Variants in SLC7A4 observed in about 807,000 individuals in gnomAD.
The protein encoded by SLC7A4 is cationic amino acid transporter 4.
In SLC7A4, 30 loss-of-function variants were observed where a neutral mutation model predicts 37.8. The ratio of observed to expected loss-of-function variants is 0.79; its 90% CI spans 0.59 to 1.08. The LOEUF (loss-of-function observed/expected upper bound fraction) is 1.08, where lower values mean the gene tolerates loss of function less well. SLC7A4 is among the 50% of genes least tolerant of loss of function. SLC7A4 has a pLI of 0.00. For missense variants in SLC7A4, 839 were observed against 843.2 expected (o/e 1.00, Z 0.06); for synonymous variants, 359 against 376.5 (o/e 0.95, Z 0.54).
At position 21,028,919 on chromosome 22, in the gene SLC7A4, TA is replaced by T; in HGVS notation, c.*135del. ...AAGCCCAGCCCCTGGATGAAGGTCCTAAGGTCCTGAGGACTCCCCAGCCTGT... is the reference window on the plus strand; with the variant it reads ...AAGCCCAGCCCCTGGATGAAGGTCCTAGGTCCTGAGGACTCCCCAGCCTGT... On this transcript the variant is annotated 3_prime_UTR_variant, in exon 5 of 5. Transcript: ENST00000382932. The T allele has an allele frequency of 1.1e-6, 1 of 872,002 alleles. No homozygotes were observed. Among genetic ancestry groups the T allele is most frequent in the Non-Finnish European group, 1.7e-6 (1 of 587,404 alleles). The allele number at this position is 872,002 out of a possible 1,614,324, so 54.0% of individuals were successfully genotyped here. A position where few individuals can be genotyped will look rare whatever the true frequency, so the allele number is the denominator to read the frequency against.
rs763039767 is a variant in SLC7A4, at chr22:21,029,039, A to C, written c.*16T>G. ...CAAGCAGGTGTGGGAGGGCGGGGCAAGTGTGGGCTGATCAGCTACTCCATA... is the reference window on the plus strand; with the variant it reads ...CAAGCAGGTGTGGGAGGGCGGGGCACGTGTGGGCTGATCAGCTACTCCATA... On this transcript the variant is annotated 3_prime_UTR_variant, in exon 5 of 5. Coordinates refer to ENST00000382932, the MANE Select transcript of SLC7A4 (RefSeq NM_004173.3). 1.9e-6 allele frequency: 3 copies of C among 1,591,830 alleles called. No individual in the cohort carries two copies. Among genetic ancestry groups the C allele is most frequent in the Non-Finnish European group, 2.6e-6 (3 of 1,170,736 alleles).
In SLC7A4 at chr22:21,031,712, C is replaced by T. The variant is rs770543256; in HGVS notation, c.101G>A (p.Arg34Gln). ...LEDSTMETSL[R>Q]RCLSTLDLTL... ...CAGGTCCAGCGTGGACAGGCAGCGCCGCAGTGACGTCTCCATGGTGGAGTC... is the reference window on the plus strand; with the variant it reads ...CAGGTCCAGCGTGGACAGGCAGCGCTGCAGTGACGTCTCCATGGTGGAGTC... The change falls in exon 2 of 5, where the codon CGG becomes CAG. Residue 34 changes from arginine to glutamine, a missense_variant. Coordinates refer to ENST00000382932, the MANE Select transcript of SLC7A4 (RefSeq NM_004173.3). The T allele has an allele frequency of 1.1e-5, 17 of 1,612,566 alleles. No individual in the cohort carries two copies. Among genetic ancestry groups the T allele is most frequent in the Middle Eastern group, 1.6e-4 (1 of 6,074 alleles).
At position 21,029,728 on chromosome 22, in the gene SLC7A4, GAT is replaced by G; in HGVS notation, c.1604_1605del (p.Tyr535SerfsTer29). 6.2e-7 allele frequency: 1 copy of G among 1,612,370 alleles called. No individual in the cohort carries two copies. Among genetic ancestry groups the G allele is most frequent in the African/African-American group, 1.3e-5 (1 of 75,030 alleles). On this transcript the variant is annotated frameshift_variant, in exon 3 of 5. Transcript: ENST00000382932. LOFTEE classifies it high-confidence loss of function. Reference protein sequence around the residue: ...LLVLGAHQQQYREDLFQIPMV... With the variant: ...LLVLGAHQQQXREDLFQIPMV... ...GGAGGTACCTGAAATAAGTCTTCCC[GAT>G]ACTGTTGCTGGTGAGCCCCCAGGAC...
rs376315602 is a variant in SLC7A4, at chr22:21,030,167, C to T, written c.1167G>A (p.Ser389=). ...AFLALLLDLE[S]LVQFLSLGTL... is the part of the protein sequence containing the mutation. ...TGCCAAGGGACAGGAACTGAACCAGCGACTCCAGGTCCAGCAGCAGTGCCA... is the reference window on the plus strand; with the variant it reads ...TGCCAAGGGACAGGAACTGAACCAGTGACTCCAGGTCCAGCAGCAGTGCCA... Residue 389 remains serine (S), a synonymous_variant, in exon 3 of 5, where the codon TCG becomes TCA. Transcript: ENST00000382932. 2.8e-5 allele frequency: 45 copies of T among 1,613,764 alleles called. 1 individual carries two copies. In the East Asian group the frequency reaches 3.3e-4, roughly 12 times the overall value.
chr22:21,028,737 G>A lies in SLC7A4; in HGVS notation c.*318C>T. On this transcript the variant is annotated 3_prime_UTR_variant, in exon 5 of 5. Transcript: ENST00000382932. ...AGTGGATACGCCAGCAGGCCACATGGCTGGCCAAGCAATTATTATTATGGA... is the reference window on the plus strand; with the variant it reads ...AGTGGATACGCCAGCAGGCCACATGACTGGCCAAGCAATTATTATTATGGA... 1 of 283,790 alleles carries A rather than the reference G, an allele frequency of 3.5e-6. No homozygotes were observed. The highest frequency in any genetic ancestry group is 6.6e-6 in the Non-Finnish European group (1 of 152,224). 17.6% of individuals were successfully genotyped at this position (283,790 alleles called of 1,614,324 possible). A position where few individuals can be genotyped will look rare whatever the true frequency, so the allele number is the denominator to read the frequency against.
rs375855413 is a variant in SLC7A4, at chr22:21,031,520, C to T, written c.293G>A (p.Arg98His). 20 of 1,610,132 alleles carry T rather than the reference C, an allele frequency of 1.2e-5. No individual in the cohort carries two copies. The highest frequency in any genetic ancestry group is 1.7e-5 in the Admixed American group (1 of 59,752). ...CYAEFGARVP[R>H]TGSAYLFTYV... is the part of the protein sequence containing the mutation. ...GGTGAACAGGTAGGCAGAGCCCGTG[C>T]GTGGCACACGTGCCCCAAATTCTGC... Residue 98 changes from arginine (R) to histidine (H), a missense_variant, in exon 2 of 5, where the codon CGC becomes CAC. By Grantham distance (29) the Arg-to-His change is conservative. Coordinates refer to ENST00000382932, the MANE Select transcript of SLC7A4 (RefSeq NM_004173.3).
At chr22:21,029,572 T>A in intron 3 of SLC7A4, 128 bp from the exon 4 acceptor site, 1 of 1,139,496 alleles carries the variant, frequency 8.8e-7, no homozygotes, top group Non-Finnish European at 1.3e-6. Context: ...ATGTGCTCAC[T>A]CACCATGCAG....
Position 21,029,070 on chromosome 22 carries a change from A to C in SLC7A4, c.1893T>G (p.Pro631=). 6.2e-7 allele frequency: 1 copy of C among 1,609,702 alleles called. No individual in the cohort carries two copies. Among genetic ancestry groups the C allele is most frequent in the Non-Finnish European group, 8.5e-7 (1 of 1,179,020 alleles). ...QPPSQAPAQD[P]GHME is the part of the protein sequence containing the mutation. The stretch of plus-strand genomic sequence containing the variant: ...GGCTGATCAGCTACTCCATATGGCC[A>C]GGGTCCTGTGCTGGTGCCTGGCTGG... Residue 631 remains proline (P), a synonymous_variant, in exon 5 of 5, where the codon CCT becomes CCG. Coordinates refer to ENST00000382932, the MANE Select transcript of SLC7A4 (RefSeq NM_004173.3).
chr22:21,029,976 G>A lies in SLC7A4; in HGVS notation c.1358C>T (p.Pro453Leu), dbSNP rs1427315009. The A allele has an allele frequency of 1.9e-6, 3 of 1,613,810 alleles. No homozygotes were observed. The East Asian group carries it at 6.7e-5, about 36-fold the overall frequency. The change falls in exon 3 of 5, where the codon CCT becomes CTT. Residue 453 changes from proline to leucine, a missense_variant. Physicochemically the swap from Pro to Leu is moderately conservative, Grantham distance 98 (BLOSUM62 -3). Coordinates refer to ENST00000382932, the MANE Select transcript of SLC7A4 (RefSeq NM_004173.3). The part of the protein sequence containing the change: ...QLVGTVHASV[P>L]EPGELKPALR... ...GGCTGGCTTCAGCTCCCCTGGCTCAGGGACGGAGGCGTGTACAGTGCCCAC... is the reference window on the plus strand; with the variant it reads ...GGCTGGCTTCAGCTCCCCTGGCTCAAGGACGGAGGCGTGTACAGTGCCCAC...
rs1928873028 is a variant in SLC7A4, at chr22:21,031,225, G to A, written c.588C>T (p.His196=). ...CGARVSSWLN[H]TFSAISLLVI... ...CAAGCAGGCTGATGGCCGAGAAGGT[G>A]TGATTGAGCCAGGAGGACACGCGGG... Residue 196 remains histidine (H), a synonymous_variant, in exon 2 of 5, where the codon CAC becomes CAT. Transcript: ENST00000382932. 2 of 1,613,686 alleles carry A rather than the reference G, an allele frequency of 1.2e-6. No homozygotes were observed. Among genetic ancestry groups the A allele is most frequent in the Non-Finnish European group, 1.7e-6 (2 of 1,179,910 alleles).
At chr22:21,029,490 G>T (rs754338332) in intron 3 of SLC7A4, 46 bp from the exon 4 acceptor site, 3 of 1,440,838 alleles carry the variant, frequency 2.1e-6, no homozygotes, top group Non-Finnish European at 2.9e-6. Context: ...CTGCAGGAAA[G>T]ATCTGCCAGC....
In SLC7A4 at chr22:21,029,216, A is replaced by G; in HGVS notation, c.1747T>C (p.Phe583Leu). Reference protein sequence around the residue: ...IWLLMGLAVYFGYGIRHSKEN... With the variant: ...IWLLMGLAVYLGYGIRHSKEN... ...TTGCTATGCCGGATGCCATAGCCGA[A>G]ATACACTGCAAGTCCTAGACAGGGC... The change falls in exon 5 of 5, where the codon TTC becomes CTC. Residue 583 changes from phenylalanine to leucine, a missense_variant. Phe to Leu is a conservative substitution (Grantham distance 22). Transcript: ENST00000382932. The G allele has an allele frequency of 6.2e-7, 1 of 1,613,810 alleles. No homozygotes were observed. The highest frequency in any genetic ancestry group is 8.5e-7 in the Non-Finnish European group (1 of 1,179,984).
At position 21,031,769 on chromosome 22, in the gene SLC7A4, C is replaced by A; in HGVS notation, c.44G>T (p.Cys15Phe). 3 of 1,553,902 alleles carry A rather than the reference C, an allele frequency of 1.9e-6. No homozygotes were observed. The highest frequency in any genetic ancestry group is 2.0e-5 in the Admixed American group (1 of 50,246). The change falls in exon 2 of 5, where the codon TGC becomes TTC. Residue 15 changes from cysteine (C) to phenylalanine (F), a missense_variant. Cys to Phe is a radical substitution (Grantham distance 205). Transcript: ENST00000382932. ...LPTIASLARLCQKLNRLKPLE... is the reference protein window; with the variant it reads ...LPTIASLARLFQKLNRLKPLE... ...CGGCTTCAGGCGGTTCAGCTTCTGG[C>A]ATAAGCGTGCCAGGCTAGCAATGGT...
rs760339560 is a variant in SLC7A4 at position 21,029,727 on chromosome 22, C to G, written c.1607G>C (p.Arg536Pro). 2 of 1,611,962 alleles carry G rather than the reference C, an allele frequency of 1.2e-6. No homozygotes were observed. Among genetic ancestry groups the G allele is most frequent in the Admixed American group, 1.7e-5 (1 of 59,944 alleles). Residue 536 changes from arginine to proline, a missense_variant, in exon 3 of 5, where the codon CGG becomes CCG. Physicochemically the swap from Arg to Pro is moderately radical, Grantham distance 103 (BLOSUM62 -2). Coordinates refer to ENST00000382932, the MANE Select transcript of SLC7A4 (RefSeq NM_004173.3). ...LVLGAHQQQY[R>P]EDLFQIPMVP... The stretch of plus-strand genomic sequence containing the variant: ...GGGAGGTACCTGAAATAAGTCTTCC[C>G]GATACTGTTGCTGGTGAGCCCCCAG...
chr22:21,030,306 A>G lies in SLC7A4; in HGVS notation c.1028T>C (p.Ile343Thr), dbSNP rs765057206. The change falls in exon 3 of 5, where the codon ATT becomes ACT. Residue 343 changes from isoleucine to threonine, a missense_variant. Transcript: ENST00000382932. ...CCCATCGGCGGCCATGGCATAGACA[A>G]TGCGTGGCAGGGAGAAGAGGAGGCT... ...LLSLLFSLPRIVYAMAADGLF... is the reference protein window; with the variant it reads ...LLSLLFSLPRTVYAMAADGLF... 5.6e-6 allele frequency: 9 copies of G among 1,612,184 alleles called. No homozygotes were observed. The highest frequency in any genetic ancestry group is 2.2e-5 in the South Asian group (2 of 91,034).
At position 21,031,099 on chromosome 22, in the gene SLC7A4, CA is replaced by C. The variant is rs1463928624; in HGVS notation, c.713del (p.Met238ArgfsTer53). ...GFAPFGFSGV[M>X]AGTASCFYAF... ...CATAGAAGCAGGAGGCAGTGCCGGC[CA>C]TGACGCCGGAGAAGCCGAAGGGTGC... On this transcript the variant is annotated frameshift_variant, in exon 2 of 5. Coordinates refer to ENST00000382932, the MANE Select transcript of SLC7A4 (RefSeq NM_004173.3). LOFTEE classifies it high-confidence loss of function. 6.2e-7 allele frequency: 1 copy of C among 1,614,020 alleles called. No homozygotes were observed. Among genetic ancestry groups the C allele is most frequent in the Admixed American group, 1.7e-5 (1 of 60,028 alleles).
Position 21,031,530 on chromosome 22 carries a change from G to T in SLC7A4, c.283C>A (p.Arg95Ser). Residue 95 changes from arginine (R) to serine (S), a missense_variant, in exon 2 of 5, where the codon CGT (arginine) becomes AGT (serine). Arg to Ser is a moderately radical substitution (Grantham distance 110, BLOSUM62 -1). Coordinates refer to ENST00000382932, the MANE Select transcript of SLC7A4 (RefSeq NM_004173.3). Reference sequence around the variant, plus strand: ...TAGGCAGAGCCCGTGCGTGGCACACGTGCCCCAAATTCTGCATAGCATAGG... The same window carrying T: ...TAGGCAGAGCCCGTGCGTGGCACACTTGCCCCAAATTCTGCATAGCATAGG... ...AALCYAEFGARVPRTGSAYLF... is the reference protein window; with the variant it reads ...AALCYAEFGASVPRTGSAYLF... 3 of 1,610,512 alleles carry T rather than the reference G, an allele frequency of 1.9e-6. No homozygotes were observed. Among genetic ancestry groups the T allele is most frequent in the African/African-American group, 1.3e-5 (1 of 75,050 alleles).
At position 21,030,820 on chromosome 22, in the gene SLC7A4, G is replaced by A; in HGVS notation, c.982+11C>T. On this transcript the variant is annotated intron_variant, in intron 2 of 4. Transcript: ENST00000382932. ...TTTTCCCTGCCACCCTGCCCAGGAA[G>A]AGTCTCTCACCGCAGATGGAGCCAG... The A allele has an allele frequency of 6.4e-7, 1 of 1,554,640 alleles. No individual in the cohort carries two copies. Among genetic ancestry groups the A allele is most frequent in the Non-Finnish European group, 8.7e-7 (1 of 1,151,426 alleles).
In SLC7A4 at chr22:21,030,340, C is replaced by T. The variant is rs868268284; in HGVS notation, c.994G>A (p.Val332Ile). 1.2e-5 allele frequency: 20 copies of T among 1,605,340 alleles called. No individual in the cohort carries two copies. The highest frequency in any genetic ancestry group is 4.0e-5 in the African/African-American group (3 of 74,738). ...AGGGAGAAGAGGAGGCTGAGCAGGA[C>T]GGTGTTCATGGCTGTAGCAGAGAGA... The part of the protein sequence containing the change: ...AAGSICAMNT[V>I]LLSLLFSLPR... Residue 332 changes from valine (V) to isoleucine (I), a missense_variant, in exon 3 of 5, where the codon GTC becomes ATC. Coordinates refer to ENST00000382932, the MANE Select transcript of SLC7A4 (RefSeq NM_004173.3).
Sources: allele counts gnomAD v4.1 joint callset, GRCh38; gene constraint gnomAD v4.1.1; transcripts MANE v1.5; gene names NCBI Gene and HGNC (gene_info 2026-07-23, HGNC 2026-07-21).